NRXN1: variants seen among roughly 807,000 people sequenced by gnomAD.
The protein encoded by NRXN1 is neurexin 1, also known as neurexin-1.
Under a neutral mutation model 150.9 loss-of-function variants are expected in NRXN1, and 39 were observed. The observed-to-expected ratio is 0.26, with a 90% confidence interval of 0.20 to 0.34. The LOEUF is 0.34. Ranked by LOEUF, NRXN1 falls within the 10% of genes least tolerant of loss-of-function variation. The pLI, the probability that NRXN1 is intolerant of heterozygous loss-of-function variation, is 1.00. For synonymous variants in NRXN1, 924 were observed against 757.0 expected (o/e 1.22, Z -3.62); for missense variants, 1,815 against 1,949.9 (o/e 0.93, Z 1.30).
At chr2:50,906,366 T>A (rs1344296345) in intron 5 of NRXN1, among the ~76,000 whole-genome samples, 5 of 152,110 alleles carry the variant, frequency 3.3e-5, no homozygotes, top group African/African-American at 4.8e-5. Context: ...CATGAAAATC[T>A]GGGAAGCAGT....
intron 21 of NRXN1, among the ~76,000 whole-genome samples, chr2:49,949,124 G>A (rs2104437155): frequency 6.6e-6 from 1 of 152,008 alleles, no homozygotes; most frequent in South Asian, 2.1e-4. Context: ...TATTTTGTAG[G>A]GTTTGAGAAA....
chr2:50,935,618 T>G (rs1329533396), intron 2 of NRXN1, among the ~76,000 whole-genome samples: 2 of 152,028 alleles, frequency 1.3e-5, no homozygotes, highest in Non-Finnish European at 2.9e-5. Context: ...TTCCAGCTAC[T>G]CAGGAGGCTG....
chr2:50,869,726 A>G (rs547162281), intron 5 of NRXN1, among the ~76,000 whole-genome samples: 1 of 151,940 alleles, frequency 6.6e-6, no homozygotes, highest in South Asian at 2.1e-4. Flanking sequence ...CTAGATTTTG[A>G]ATTACATTAA....
intron 5 of NRXN1, among the ~76,000 whole-genome samples, chr2:50,630,798 G>A (rs1682164527): frequency 6.6e-6 from 1 of 151,630 alleles, no homozygotes; most frequent in Admixed American, 6.6e-5. Flanking sequence ...ATTTGGGTGA[G>A]AGCCCTGCTT....
chr2:50,839,023 T>A (rs1454085351), intron 5 of NRXN1, among the ~76,000 whole-genome samples: 1 of 152,174 alleles, frequency 6.6e-6, no homozygotes, highest in African/African-American at 2.4e-5. Context: ...AGAGCCTGGT[T>A]TTCTTGACTT....
intron 17 of NRXN1, among the ~76,000 whole-genome samples, chr2:50,304,820 T>C (rs1343430469): frequency 6.6e-6 from 1 of 152,022 alleles, no homozygotes; most frequent in East Asian, 1.9e-4. Context: ...AGACCGAGTG[T>C]GGTGGCTCAC....
At chr2:50,341,708 A>AGAAATTGTT (rs2077560693) in intron 17 of NRXN1, among the ~76,000 whole-genome samples, 1 of 152,246 alleles carries the variant, frequency 6.6e-6, no homozygotes, top group Non-Finnish European at 1.5e-5. Context: ...TTCGAAAAGT[A>AGAAATTGTT]GAAATTGTTA....
chr2:51,030,405 T>TG (rs1256549446), intron 1 of NRXN1, among the ~76,000 whole-genome samples: 1 of 152,016 alleles, frequency 6.6e-6, no homozygotes, highest in Admixed American at 6.6e-5. Flanking sequence ...TGCTTCTCCA[T>TG]GGGGGGAGCT....
intron 17 of NRXN1, among the ~76,000 whole-genome samples, chr2:50,404,238 G>T (rs1243737481): frequency 2.6e-5 from 4 of 151,820 alleles, no homozygotes; most frequent in African/African-American, 9.7e-5. Flanking sequence ...TAGGTGAAAA[G>T]ACTTTAATGC....
intron 15 of NRXN1, among the ~76,000 whole-genome samples, chr2:50,491,474 T>C (rs866331171): frequency 2.0e-5 from 3 of 152,162 alleles, no homozygotes; most frequent in Non-Finnish European, 2.9e-5. Context: ...AGCAGGCAGT[T>C]GCCTTCAGGG....
intron 2 of NRXN1, among the ~76,000 whole-genome samples, chr2:51,007,468 G>A (rs573526120): frequency 1.3e-5 from 2 of 151,962 alleles, no homozygotes; most frequent in African/African-American, 4.8e-5. Flanking sequence ...TAAGTTACTC[G>A]AAGTGTTAGG....
intron 17 of NRXN1, among the ~76,000 whole-genome samples, chr2:50,404,330 G>A (rs1408953826): frequency 2.6e-5 from 4 of 152,042 alleles, no homozygotes; most frequent in Non-Finnish European, 4.4e-5. Context: ...TTAGTGTCCT[G>A]GCTATAGGTG....
At chr2:50,383,986 C>G (rs1382515340) in intron 17 of NRXN1, among the ~76,000 whole-genome samples, 1 of 152,134 alleles carries the variant, frequency 6.6e-6, no homozygotes, top group Non-Finnish European at 1.5e-5. Context: ...GATGCCTGAC[C>G]TTTGTCAGAT....
intron 17 of NRXN1, among the ~76,000 whole-genome samples, chr2:50,272,083 G>A (rs1226037775): frequency 1.3e-5 from 2 of 152,176 alleles, no homozygotes; most frequent in South Asian, 2.1e-4. Context: ...AGGACAAATT[G>A]CAGGAGGGTC....
chr2:50,370,456 G>A (rs1346485632), intron 17 of NRXN1, among the ~76,000 whole-genome samples: 1 of 151,932 alleles, frequency 6.6e-6, no homozygotes, highest in Non-Finnish European at 1.5e-5. Flanking sequence ...AATGTCTGGT[G>A]CTGCTGTTAG....
chr2:49,949,861 C>G (rs1022857598), intron 21 of NRXN1, among the ~76,000 whole-genome samples: 2 of 151,764 alleles, frequency 1.3e-5, no homozygotes, highest in East Asian at 3.9e-4. Flanking sequence ...AACTGATGGG[C>G]ACTTGTTCTT....
At chr2:50,809,344 C>T (rs1667914794) in intron 5 of NRXN1, among the ~76,000 whole-genome samples, 1 of 152,012 alleles carries the variant, frequency 6.6e-6, no homozygotes, top group Non-Finnish European at 1.5e-5. Flanking sequence ...TATTTCTGTC[C>T]CAAATCCTCT....
chr2:50,796,939 C>T (rs910002386), intron 5 of NRXN1, among the ~76,000 whole-genome samples: 2 of 152,112 alleles, frequency 1.3e-5, no homozygotes, highest in Admixed American at 6.6e-5. Context: ...TCCAGTCTCT[C>T]CTTCAAAGAT....
intron 22 of NRXN1, among the ~76,000 whole-genome samples, chr2:49,942,671 G>A (rs375238597): frequency 9.9e-5 from 15 of 151,932 alleles, no homozygotes; most frequent in Admixed American, 2.0e-4. Context: ...GTGCAGTGGC[G>A]TGATCTTGGC....
Sources: allele counts gnomAD v4.1 joint callset (sites outside exome capture counted in the v4.1 genomes callset), GRCh38; gene constraint gnomAD v4.1.1; transcripts MANE v1.5; gene names NCBI Gene and HGNC (gene_info 2026-07-23, HGNC 2026-07-21).